Variants in PRMT3 observed in about 807,000 individuals in gnomAD.
The protein encoded by PRMT3 is protein arginine N-methyltransferase 3.
PRMT3 carries 62 observed loss-of-function variants against 71.9 expected under a neutral mutation model. The observed-to-expected ratio is 0.86, with a 90% CI of 0.70 to 1.07. The LOEUF is 1.07. PRMT3 is among the 50% of genes least tolerant of loss of function. PRMT3 has a pLI of 0.00. For missense variants in PRMT3, 663 were observed against 643.0 expected, an observed-to-expected ratio of 1.03 and a Z score of -0.34; for synonymous variants, 213 against 220.4, an observed-to-expected ratio of 0.97 and a Z score of 0.30.
At chr11:20,474,255 A>G (rs1850723800) in intron 13 of PRMT3, among the ~76,000 whole-genome samples, 2 of 152,172 alleles carry the variant, frequency 1.3e-5, no homozygotes, top group Admixed American at 1.3e-4. Flanking sequence ...TGTCCAGACC[A>G]TCTGGACTCT....
chr11:20,394,302 GAAATTA>G (rs1195960437), intron 5 of PRMT3, among the ~76,000 whole-genome samples: 2 of 152,092 alleles, frequency 1.3e-5, no homozygotes, highest in East Asian at 3.8e-4. Context: ...GTAGAGAAGT[GAAATTA>G]AAATTAAATA....
At chr11:20,419,777 A>T (rs1186175593) in intron 9 of PRMT3, among the ~76,000 whole-genome samples, 1 of 152,156 alleles carries the variant, frequency 6.6e-6, no homozygotes, top group Non-Finnish European at 1.5e-5. Flanking sequence ...TCATTATATG[A>T]GGTCTTTATA....
At position 20,389,844 on chromosome 11, in the gene PRMT3, T is replaced by G. The variant is rs1848673717; in HGVS notation, c.247+18T>G. On this transcript the variant is annotated intron_variant, in intron 3 of 15. Coordinates refer to ENST00000331079, the MANE Select transcript of PRMT3 (RefSeq NM_005788.4). ...TAAACATGGTGAGTAGTTTTTAGAA[T>G]AAAGGCAATTTAATTTGTGAAATTT... is the stretch of plus-strand genomic sequence containing the variant. 6.3e-7 allele frequency: 1 copy of G among 1,577,888 alleles called. No homozygotes were observed. Among genetic ancestry groups the G allele is most frequent in the Non-Finnish European group, 8.7e-7 (1 of 1,148,438 alleles).
At chr11:20,412,485 G>A (rs1307962988) in intron 9 of PRMT3, among the ~76,000 whole-genome samples, 1 of 151,934 alleles carries the variant, frequency 6.6e-6, no homozygotes, top group East Asian at 1.9e-4. Flanking sequence ...TAGAGAGAAT[G>A]ATATGAATTC....
rs377244029 is a variant in PRMT3, at chr11:20,395,940, C to G, written c.538C>G (p.Arg180Gly). The G allele has an allele frequency of 2.7e-5, 43 of 1,609,200 alleles. No individual in the cohort carries two copies. The highest frequency in any genetic ancestry group is 3.5e-5 in the Non-Finnish European group (41 of 1,178,898). Reference sequence around the variant, plus strand: ...TGCTGAAGCCGCATTGGCCAGAGCACGTGAGGATCTGCAAAAAATGAAGTA... The same window carrying G: ...TGCTGAAGCCGCATTGGCCAGAGCAGGTGAGGATCTGCAAAAAATGAAGTA... Reference protein sequence around the residue: ...LSAEAALARAREDLQKMKQFA... With the variant: ...LSAEAALARAGEDLQKMKQFA... The change falls in exon 6 of 16, where the codon CGT becomes GGT. Residue 180 changes from arginine (R) to glycine (G), a missense_variant. Physicochemically the swap from Arg to Gly is moderately radical, Grantham distance 125. Coordinates refer to ENST00000331079, the MANE Select transcript of PRMT3 (RefSeq NM_005788.4).
At chr11:20,478,434 G>A (rs1405899655) in intron 13 of PRMT3, among the ~76,000 whole-genome samples, 1 of 151,234 alleles carries the variant, frequency 6.6e-6, no homozygotes. Flanking sequence ...TCTCAATTCA[G>A]TTCTTTGATG....
intron 10 of PRMT3, among the ~76,000 whole-genome samples, chr11:20,440,522 T>C (rs1383249395): frequency 1.4e-5 from 2 of 142,436 alleles, no homozygotes; most frequent in South Asian, 2.2e-4. Flanking sequence ...AGAAAATAAA[T>C]TGGACTGGAC....
In PRMT3 at chr11:20,483,421, A is replaced by G. The variant is rs34609781; in HGVS notation, c.1348-10498A>G. Among the ~76,000 whole-genome samples the G allele has an allele frequency of 3.3e-5, 5 of 152,088 alleles. No individual in the cohort carries two copies. In the East Asian group the frequency reaches 7.7e-4, roughly 23 times the overall value. ...TTTTGGGGGAAGATTGGAAAGCAGCACAAAAAATGGAATATAAGGAAACAG... is the reference window on the plus strand; with the variant it reads ...TTTTGGGGGAAGATTGGAAAGCAGCGCAAAAAATGGAATATAAGGAAACAG... On this transcript the variant is annotated intron_variant, in intron 13 of 15. Transcript: ENST00000331079.
At chr11:20,426,910 A>G (rs754234841) in intron 10 of PRMT3, 45 bp downstream of exon 10, 3 of 1,478,988 alleles carry the variant, frequency 2.0e-6, no homozygotes, top group Non-Finnish European at 2.7e-6. Flanking sequence ...AAAATGAAAA[A>G]ACTTTTTTAA....
intron 13 of PRMT3, among the ~76,000 whole-genome samples, chr11:20,467,606 A>G (rs778802033): frequency 2.4e-5 from 2 of 81,652 alleles, no homozygotes; most frequent in Non-Finnish European, 4.9e-5. Flanking sequence ...GAGAATATGT[A>G]TAATCAGAAT....
intron 9 of PRMT3, among the ~76,000 whole-genome samples, chr11:20,416,052 T>G (rs555253194): frequency 6.6e-6 from 1 of 152,310 alleles, no homozygotes; most frequent in Non-Finnish European, 1.5e-5. Flanking sequence ...CTCAAATGTG[T>G]CTCTCATCTA....
At position 20,436,740 on chromosome 11, in the gene PRMT3, G is replaced by T. The variant is rs189239622; in HGVS notation, c.993+9875G>T. On this transcript the variant is annotated intron_variant, in intron 10 of 15. Coordinates refer to ENST00000331079, the MANE Select transcript of PRMT3 (RefSeq NM_005788.4). ...CATCTGGGATATTGGCCTGCAGTTTGTTTTTTTTTTTAATAGTGTCTTTAA... is the reference window on the plus strand; with the variant it reads ...CATCTGGGATATTGGCCTGCAGTTTTTTTTTTTTTTTAATAGTGTCTTTAA... 5.8e-4 allele frequency among the ~76,000 whole-genome samples: 82 copies of T among 141,624 alleles called. No individual in the cohort carries two copies. The East Asian group carries it at 0.014, about 25-fold the overall frequency. The allele number at this position is 141,624 out of a possible 152,430, so 92.9% of individuals were successfully genotyped here.
intron 7 of PRMT3, among the ~76,000 whole-genome samples, chr11:20,401,678 A>G (rs1221841602): frequency 2.6e-5 from 4 of 152,182 alleles, no homozygotes; most frequent in Non-Finnish European, 5.9e-5. Context: ...ATTCTATGAT[A>G]TTTATTTTTA....
chr11:20,471,287 G>A (rs936713149), intron 13 of PRMT3, among the ~76,000 whole-genome samples: 1 of 151,962 alleles, frequency 6.6e-6, no homozygotes, highest in Non-Finnish European at 1.5e-5. Flanking sequence ...TGAAATCTTT[G>A]CCCGTGCCTA....
chr11:20,391,326 A>G (rs1180931659), intron 3 of PRMT3, among the ~76,000 whole-genome samples: 1 of 151,426 alleles, frequency 6.6e-6, no homozygotes, highest in Non-Finnish European at 1.5e-5. Flanking sequence ...GCTCACTGCA[A>G]CCTCCGCCTC....
intron 11 of PRMT3, among the ~76,000 whole-genome samples, chr11:20,458,916 A>C (rs1850324125): frequency 6.6e-6 from 1 of 152,182 alleles, no homozygotes; most frequent in Non-Finnish European, 1.5e-5. Flanking sequence ...ATTTTTTCTT[A>C]TAAAAAAGTT....
chr11:20,401,491 A>G (rs1329977637), intron 7 of PRMT3, among the ~76,000 whole-genome samples: 1 of 152,170 alleles, frequency 6.6e-6, no homozygotes, highest in Non-Finnish European at 1.5e-5. Context: ...TTCCCTTTTT[A>G]GGTCTAGTAC....
intron 13 of PRMT3, among the ~76,000 whole-genome samples, chr11:20,487,979 G>T (rs1851117489): frequency 6.6e-6 from 1 of 151,944 alleles, no homozygotes. Flanking sequence ...AATATTTTTG[G>T]ACTATTGCCT....
intron 10 of PRMT3, 135 bp downstream of exon 10, chr11:20,427,000 A>G: frequency 8.0e-7 from 1 of 1,243,692 alleles, no homozygotes; most frequent in Non-Finnish European, 1.0e-6. Flanking sequence ...TACATTAGAT[A>G]CTATAATGTG....
Sources: gnomAD v4.1 joint callset for allele counts (sites outside exome capture counted in the v4.1 genomes callset) on GRCh38, gnomAD v4.1.1 for gene constraint, MANE v1.5 for transcripts, NCBI Gene and HGNC (gene_info 2026-07-23, HGNC 2026-07-21) for gene names.